Variants in PCDHA10 observed in about 807,000 individuals in gnomAD.
PCDHA10 encodes the protein protocadherin alpha-10.
In PCDHA10, 45 loss-of-function variants were observed where a neutral mutation model predicts 61.2. The observed-to-expected ratio is 0.74, with a 90% CI of 0.58 to 0.94. The LOEUF is 0.94. PCDHA10 is among the 40% of genes least tolerant of loss of function. The pLI is 0.00. For synonymous variants in PCDHA10, 602 were observed against 548.8 expected (o/e 1.10, Z -1.35); for missense variants, 1,278 against 1,236.2 (o/e 1.03, Z -0.51).
chr5:140,878,252 C>T (rs1250494755), intron 1 of PCDHA10, among the ~76,000 whole-genome samples: 26 of 152,184 alleles, frequency 1.7e-4, no homozygotes, highest in African/African-American at 3.1e-4. Context: ...CTCTTCCTCA[C>T]GTGCTTAGGC....
intron 1 of PCDHA10, among the ~76,000 whole-genome samples, chr5:140,890,175 A>G (rs1488442027): frequency 6.6e-6 from 1 of 152,158 alleles, no homozygotes; most frequent in Non-Finnish European, 1.5e-5. Context: ...GAAATAGGCA[A>G]ATGCTACAAA....
At position 140,857,263 on chromosome 5, in the gene PCDHA10, A is replaced by C. The variant is rs367883816; in HGVS notation, c.1215A>C (p.Ser405=). ...KLVSTYKNYY[S]LVLDSALDRE... ...TGTCCACCTACAAGAATTACTACTC[A>C]TTGGTGCTGGACAGCGCTCTGGACC... The change falls in exon 1 of 4, where the codon TCA becomes TCC. Residue 405 remains serine (S), a synonymous_variant. Coordinates refer to ENST00000307360, the MANE Select transcript of PCDHA10 (RefSeq NM_018901.4). The C allele has an allele frequency of 6.3e-7, 1 of 1,598,420 alleles. No individual in the cohort carries two copies. The highest frequency in any genetic ancestry group is 2.2e-5 in the East Asian group (1 of 44,844).
chr5:140,990,990 A>G (rs1269528161), intron 3 of PCDHA10, among the ~76,000 whole-genome samples: 1 of 152,210 alleles, frequency 6.6e-6, no homozygotes, highest in East Asian at 1.9e-4. Flanking sequence ...GACAATAGCT[A>G]CCATTTATTG....
At chr5:141,003,510 A>C (rs1468305070) in intron 3 of PCDHA10, among the ~76,000 whole-genome samples, 1 of 152,070 alleles carries the variant, frequency 6.6e-6, no homozygotes, top group African/African-American at 2.4e-5. Context: ...ATGGGGTTTC[A>C]CCATGTTCCC....
intron 1 of PCDHA10, chr5:140,884,293 GC>G: frequency 6.2e-7 from 1 of 1,613,666 alleles, no homozygotes; most frequent in Non-Finnish European, 8.5e-7. Flanking sequence ...GCGGCCAAGC[GC>G]CACAGGCTTC....
rs543675270 is a variant in PCDHA10 at position 140,877,484 on chromosome 5, A to G, written c.2388+19048A>G. 2.3e-5 allele frequency: 37 copies of G among 1,613,814 alleles called. No individual in the cohort carries two copies. The highest frequency in any genetic ancestry group is 3.1e-5 in the Non-Finnish European group (36 of 1,179,856). On this transcript the variant is annotated intron_variant, in intron 1 of 3. Transcript: ENST00000307360. ...GCCACGGTGCTGGTGTCGCTGGTGG[A>G]GAACGGCCAGGCCCCAAAGACGTCG...
At chr5:140,956,009 CTT>C (rs2095247878) in intron 1 of PCDHA10, among the ~76,000 whole-genome samples, 1 of 152,192 alleles carries the variant, frequency 6.6e-6, no homozygotes, top group Non-Finnish European at 1.5e-5. Flanking sequence ...TATCCTGAGA[CTT>C]TGCTGAAGTT....
intron 1 of PCDHA10, among the ~76,000 whole-genome samples, chr5:140,880,055 C>G (rs1024788960): frequency 1.3e-5 from 2 of 152,146 alleles, no homozygotes; most frequent in Admixed American, 6.5e-5. Flanking sequence ...GTGGGCATAA[C>G]TTTTTGGGGA....
intron 1 of PCDHA10, among the ~76,000 whole-genome samples, chr5:140,945,113 T>C (rs1359604882): frequency 2.6e-5 from 4 of 152,084 alleles, no homozygotes; most frequent in African/African-American, 4.8e-5. Flanking sequence ...AGTTGAAAGA[T>C]AAAAAATCAA....
chr5:140,857,100 T>G lies in PCDHA10; in HGVS notation c.1052T>G (p.Val351Gly), dbSNP rs782765383. The G allele has an allele frequency of 6.3e-7, 1 of 1,597,740 alleles. No homozygotes were observed. Residue 351 changes from valine to glycine, a missense_variant, in exon 1 of 4, where the codon GTC becomes GGC. Coordinates refer to ENST00000307360, the MANE Select transcript of PCDHA10 (RefSeq NM_018901.4). ...AATGATAATTCACCTGAGGTGATTG[T>G]CACTTCTCTGTCTCTCCCAGTGAAA... ...DENDNSPEVI[V>G]TSLSLPVKED...
At chr5:140,910,924 A>T (rs568597600) in intron 1 of PCDHA10, among the ~76,000 whole-genome samples, 1 of 152,142 alleles carries the variant, frequency 6.6e-6, no homozygotes, top group Admixed American at 6.5e-5. Flanking sequence ...GCTTATATAA[A>T]TAAGAAAGCT....
In PCDHA10 at chr5:141,006,613, A is replaced by G. The variant is rs543043401; in HGVS notation, c.2537-3014A>G. 2.0e-5 allele frequency among the ~76,000 whole-genome samples: 3 copies of G among 152,308 alleles called. No individual in the cohort carries two copies. In the South Asian group the frequency reaches 6.2e-4, roughly 32 times the overall value. Reference sequence around the variant, plus strand: ...AGCAAAAGTGGAAGCAGACTGAATAAGGAGACTATTGCTGCAATTCATATA... The same window carrying G: ...AGCAAAAGTGGAAGCAGACTGAATAGGGAGACTATTGCTGCAATTCATATA... On this transcript the variant is annotated intron_variant, in intron 3 of 3. Coordinates refer to ENST00000307360, the MANE Select transcript of PCDHA10 (RefSeq NM_018901.4).
chr5:140,966,848 C>G, intron 1 of PCDHA10: 1 of 1,571,846 alleles, frequency 6.4e-7, no homozygotes, highest in Non-Finnish European at 8.6e-7. Context: ...GCTACTGCCT[C>G]TCCTGCTGCT....
Position 140,882,752 on chromosome 5 carries a change from A to G in PCDHA10, c.2388+24316A>G, listed in dbSNP as rs1457424583. 4 of 1,614,130 alleles carry G rather than the reference A, an allele frequency of 2.5e-6. No individual in the cohort carries two copies. In the East Asian group the frequency reaches 8.9e-5, roughly 36 times the overall value. On this transcript the variant is annotated intron_variant, in intron 1 of 3. Coordinates refer to ENST00000307360, the MANE Select transcript of PCDHA10 (RefSeq NM_018901.4). Reference sequence around the variant, plus strand: ...ACTAGATGGCGCATCCGATGCAGATATTGGAGTAAACTCGGCATTGACCTA... The same window carrying G: ...ACTAGATGGCGCATCCGATGCAGATGTTGGAGTAAACTCGGCATTGACCTA...
chr5:140,909,684 GT>G (rs2074636344), intron 1 of PCDHA10, among the ~76,000 whole-genome samples: 1 of 152,220 alleles, frequency 6.6e-6, no homozygotes, highest in Non-Finnish European at 1.5e-5. Context: ...GGGAGCCAAT[GT>G]GGGGGTTCTG....
At chr5:140,862,203 C>G (rs1481623018) in intron 1 of PCDHA10, 1 of 175,658 alleles carries the variant, frequency 5.7e-6, no homozygotes, top group Non-Finnish European at 1.2e-5. Context: ...AATGTTTGAT[C>G]ACTGCACAGA....
intron 1 of PCDHA10, chr5:140,869,773 G>A (rs1554163437): frequency 6.2e-7 from 1 of 1,612,948 alleles, no homozygotes; most frequent in Non-Finnish European, 8.5e-7. Context: ...AGAGCTTACT[G>A]GCACCGTTCG....
At chr5:140,968,365 T>C (rs1554230638) in intron 1 of PCDHA10, 1 of 1,614,112 alleles carries the variant, frequency 6.2e-7, no homozygotes, top group Non-Finnish European at 8.5e-7. Context: ...GCCTTTATGC[T>C]GTCAACTCCT....
chr5:140,899,191 C>G (rs1583332627), intron 1 of PCDHA10, among the ~76,000 whole-genome samples: 2 of 151,090 alleles, frequency 1.3e-5, no homozygotes, highest in Non-Finnish European at 3.0e-5. Flanking sequence ...TTTCCTTCTC[C>G]TGCCTAATTG....
Sources: allele counts gnomAD v4.1 joint callset (sites outside exome capture counted in the v4.1 genomes callset), GRCh38; gene constraint gnomAD v4.1.1; transcripts MANE v1.5; gene names NCBI Gene and HGNC (gene_info 2026-07-23, HGNC 2026-07-21).